TOMM70: variants seen among roughly 807,000 people sequenced by gnomAD.
The protein encoded by TOMM70 is translocase of outer mitochondrial membrane 70.
Under a neutral mutation model 73.6 loss-of-function variants are expected in TOMM70, and 13 were observed. That is an observed-to-expected ratio of 0.18 (90% confidence interval 0.11 to 0.28). The LOEUF is 0.28. TOMM70 is among the 10% of genes least tolerant of loss of function. TOMM70 has a pLI of 1.00. For missense variants in TOMM70, 609 were observed against 747.5 expected (o/e 0.81, Z 2.16); for synonymous variants, 257 against 271.2 (o/e 0.95, Z 0.51).
At chr3:100,389,194 A>G (rs973780076) in intron 1 of TOMM70, among the ~76,000 whole-genome samples, 1 of 152,242 alleles carries the variant, frequency 6.6e-6, no homozygotes, top group Non-Finnish European at 1.5e-5. Context: ...CTAAAAACCA[A>G]TTAAGTAACA....
In TOMM70 at chr3:100,401,058, A is replaced by T; in HGVS notation, c.-109T>A. 8.3e-7 allele frequency: 1 copy of T among 1,201,428 alleles called. No individual in the cohort carries two copies. The highest frequency in any genetic ancestry group is 1.2e-6 in the Non-Finnish European group (1 of 856,182). 74.4% of individuals were successfully genotyped at this position (1,201,428 alleles called of 1,614,324 possible). A position where few individuals can be genotyped will look rare whatever the true frequency, so the allele number is the denominator to read the frequency against. On this transcript the variant is annotated 5_prime_UTR_variant, in exon 1 of 12. Coordinates refer to ENST00000284320, the MANE Select transcript of TOMM70 (RefSeq NM_014820.5). Reference sequence around the variant, plus strand: ...GAAGGAAAGCAATGAGCGAGCGAGCACGCTAGGCAGAGAGAGCGGACGACA... The same window carrying T: ...GAAGGAAAGCAATGAGCGAGCGAGCTCGCTAGGCAGAGAGAGCGGACGACA...
In TOMM70 at chr3:100,373,587, C is replaced by T. The variant is rs531382039; in HGVS notation, c.1286G>A (p.Arg429Lys). ...TGCCAGAGCAGACTCAGGTCTTAAC[C>T]TAATACATTCATCAAAATCTGCCAC... The part of the protein sequence containing the change: ...EAVADFDECI[R>K]LRPESALAQA... Residue 429 changes from arginine (R) to lysine (K), a missense_variant, in exon 8 of 12, where the codon AGG becomes AAG. By Grantham distance (26) the Arg-to-Lys change is conservative. Coordinates refer to ENST00000284320, the MANE Select transcript of TOMM70 (RefSeq NM_014820.5). The T allele has an allele frequency of 4.3e-6, 7 of 1,613,098 alleles. No homozygotes were observed. Among genetic ancestry groups the T allele is most frequent in the African/African-American group, 4.0e-5 (3 of 74,964 alleles).
intron 1 of TOMM70, among the ~76,000 whole-genome samples, chr3:100,390,431 C>T (rs536270530): frequency 1.9e-4 from 29 of 152,316 alleles, no homozygotes; most frequent in South Asian, 4.2e-4. Context: ...CTGAAAAATT[C>T]CTATTGCCTA....
intron 11 of TOMM70, among the ~76,000 whole-genome samples, chr3:100,367,807 G>C (rs1190224643): frequency 6.6e-6 from 1 of 152,224 alleles, no homozygotes; most frequent in Non-Finnish European, 1.5e-5. Context: ...GCTCTGAGTT[G>C]ATGTTGCAAC....
At chr3:100,400,239 G>C (rs1706876868) in intron 1 of TOMM70, among the ~76,000 whole-genome samples, 1 of 152,166 alleles carries the variant, frequency 6.6e-6, no homozygotes, top group Non-Finnish European at 1.5e-5. Flanking sequence ...CGATTAGGTT[G>C]TAGGCTTTGG....
At chr3:100,374,141 C>G (rs1446628945) in intron 7 of TOMM70, among the ~76,000 whole-genome samples, 1 of 152,196 alleles carries the variant, frequency 6.6e-6, no homozygotes, top group East Asian at 1.9e-4. Flanking sequence ...GATTGTAATA[C>G]TGCATTTTTA....
At chr3:100,400,525 G>A (rs1361766069) in intron 1 of TOMM70, 101 bp downstream of exon 1, 8 of 1,363,628 alleles carry the variant, frequency 5.9e-6, no homozygotes, top group Admixed American at 2.1e-5. Flanking sequence ...GCTGCCGCTT[G>A]GCAGCTTCCG....
In TOMM70 at chr3:100,373,519, AAAAG is replaced by A; in HGVS notation, c.1335+15_1335+18del. 5.1e-6 allele frequency: 8 copies of A among 1,563,942 alleles called. No individual in the cohort carries two copies. The highest frequency in any genetic ancestry group is 6.9e-6 in the Non-Finnish European group (8 of 1,155,778). ...ATAAAAGTGATGTTTAGGAAAATAC[AAAAG>A]AAAGTAGTACCTACCAATGCAAAAC... On this transcript the variant is annotated intron_variant, in intron 8 of 11. Coordinates refer to ENST00000284320, the MANE Select transcript of TOMM70 (RefSeq NM_014820.5).
Position 100,365,493 on chromosome 3 carries a change from C to T in TOMM70, c.*71G>A. ...TTCCACCATTCAACACAGTTCATGA[C>T]AGTGTCTTTAGGGTTCAGTTGAAGA... On this transcript the variant is annotated 3_prime_UTR_variant, in exon 12 of 12. Coordinates refer to ENST00000284320, the MANE Select transcript of TOMM70 (RefSeq NM_014820.5). The T allele has an allele frequency of 1.3e-6, 2 of 1,591,442 alleles. No homozygotes were observed. The highest frequency in any genetic ancestry group is 1.7e-6 in the Non-Finnish European group (2 of 1,163,786).
rs540288656 is a variant in TOMM70, at chr3:100,376,440, C to T, written c.1092+1265G>A. 4.1e-4 allele frequency among the ~76,000 whole-genome samples: 60 copies of T among 147,998 alleles called. 1 individual carries two copies. In the South Asian group the frequency reaches 0.012, roughly 30 times the overall value. ...TACAGTGGCACAAGTCACGGCTCAC[C>T]GCAGACTTGACCTCCCAGGTACAGG... On this transcript the variant is annotated intron_variant, in intron 6 of 11. Transcript: ENST00000284320.
At chr3:100,372,509 A>C in intron 9 of TOMM70, 97 bp downstream of exon 9, 1 of 976,940 alleles carries the variant, frequency 1.0e-6, no homozygotes, top group Non-Finnish European at 1.5e-6. Flanking sequence ...CCTGCTTCCA[A>C]AGAAGCTGCA....
In TOMM70 at chr3:100,364,431, C is replaced by A. The variant is rs1706425451; in HGVS notation, c.*1133G>T. 6.6e-6 allele frequency: 1 copy of A among 152,122 alleles called. No individual in the cohort carries two copies. Among genetic ancestry groups the A allele is most frequent in the African/African-American group, 2.4e-5 (1 of 41,422 alleles). The allele number at this position is 152,122 out of a possible 1,614,324, so 9.4% of individuals were successfully genotyped here. ...CTCCAAGTCTTACATCCTTTTTGACCCTTTAGCCACATGTCCTTCACGAGA... is the reference window on the plus strand; with the variant it reads ...CTCCAAGTCTTACATCCTTTTTGACACTTTAGCCACATGTCCTTCACGAGA... On this transcript the variant is annotated 3_prime_UTR_variant, in exon 12 of 12. Coordinates refer to ENST00000284320, the MANE Select transcript of TOMM70 (RefSeq NM_014820.5).
chr3:100,367,860 A>C (rs568623309), intron 11 of TOMM70, among the ~76,000 whole-genome samples, 184 bp downstream of exon 11: 1 of 152,352 alleles, frequency 6.6e-6, no homozygotes, highest in African/African-American at 2.4e-5. Flanking sequence ...AGGAGGGTCC[A>C]GATTTTCTGG....
rs112935236 is a variant in TOMM70 at position 100,378,012 on chromosome 3, C to T, written c.885-100G>A. On this transcript the variant is annotated intron_variant, in intron 5 of 11. Coordinates refer to ENST00000284320, the MANE Select transcript of TOMM70 (RefSeq NM_014820.5). The stretch of plus-strand genomic sequence containing the variant: ...CTGTAATCCCAGCACTTTGGGAGGC[C>T]GAGGTGGGCGGATCACGAGGTCAGG... The T allele has an allele frequency of 1.7e-4, 164 of 975,748 alleles. No homozygotes were observed. The African/African-American group carries it at 2.0e-3, about 12-fold the overall frequency. The allele number at this position is 975,748 out of a possible 1,614,324, so 60.4% of individuals were successfully genotyped here. A position where few individuals can be genotyped will look rare whatever the true frequency, so the allele number is the denominator to read the frequency against.
chr3:100,379,518 C>T (rs1232882999), intron 5 of TOMM70, among the ~76,000 whole-genome samples: 2 of 152,120 alleles, frequency 1.3e-5, no homozygotes, highest in Non-Finnish European at 2.9e-5. Context: ...GTCCCAGCTA[C>T]GCAAGACATT....
At chr3:100,382,595 A>G (rs755660332) in intron 4 of TOMM70, among the ~76,000 whole-genome samples, 15 of 152,222 alleles carry the variant, frequency 9.9e-5, no homozygotes, top group Admixed American at 6.5e-5. Flanking sequence ...TACTAAAGAC[A>G]CTGAGAATAA....
At chr3:100,397,588 G>A (rs1186715843) in intron 1 of TOMM70, among the ~76,000 whole-genome samples, 1 of 152,206 alleles carries the variant, frequency 6.6e-6, no homozygotes, top group Non-Finnish European at 1.5e-5. Context: ...ACAGCAGTCA[G>A]GTGAATAAAA....
At chr3:100,377,458 G>A (rs1242441861) in intron 6 of TOMM70, 3 of 440,904 alleles carry the variant, frequency 6.8e-6, no homozygotes, top group South Asian at 2.4e-5. Flanking sequence ...TGGCTACAGG[G>A]AGACGATGAA....
At chr3:100,377,961 A>G (rs771216467) in intron 5 of TOMM70, 49 bp from the exon 6 acceptor site, 52 of 1,547,722 alleles carry the variant, frequency 3.4e-5, no homozygotes, top group Non-Finnish European at 4.4e-5. Flanking sequence ...AAAAAATTAA[A>G]TGTGGCTGGG....
Sources: gnomAD v4.1 joint callset for allele counts (sites outside exome capture counted in the v4.1 genomes callset) on GRCh38, gnomAD v4.1.1 for gene constraint, MANE v1.5 for transcripts, NCBI Gene and HGNC (gene_info 2026-07-23, HGNC 2026-07-21) for gene names.